The following ZDHHC21 variants were observed in gnomAD, a reference collection of about 807,000 sequenced individuals.
ZDHHC21 encodes palmitoyltransferase ZDHHC21.
In ZDHHC21, 15 loss-of-function variants were observed where a neutral mutation model predicts 34.6. That is an observed-to-expected ratio of 0.43 (90% CI 0.29 to 0.67). ZDHHC21 has a LOEUF of 0.67. Ranked by LOEUF, ZDHHC21 falls within the 30% of genes least tolerant of loss-of-function variation. The pLI, the probability that ZDHHC21 is intolerant of heterozygous loss-of-function variation, is 0.14. For synonymous variants in ZDHHC21, 142 were observed against 101.8 expected, an observed-to-expected ratio of 1.40 and a Z score of -2.38; for missense variants, 344 against 327.7, an observed-to-expected ratio of 1.05 and a Z score of -0.38.
the ZDHHC21 span, among the ~76,000 whole-genome samples, chr9:14,605,557 AGTT>A: frequency 6.7e-6 from 1 of 149,000 alleles, no homozygotes; most frequent in African/African-American, 2.5e-5. Flanking sequence ...TCTTCTATTA[AGTT>A]GTAGGAGCTC....
chr9:14,622,566 G>A, intron 8 of ZDHHC21: 1 of 985,262 alleles, frequency 1.0e-6, no homozygotes. Flanking sequence ...TCTTGGCATA[G>A]AGCGCTTGAT....
At chr9:14,619,820 T>C in intron 8 of ZDHHC21, 138 bp from the exon 9 acceptor site, 1 of 419,506 alleles carries the variant, frequency 2.4e-6, no homozygotes, top group Admixed American at 5.1e-5. Context: ...ATTATGAATT[T>C]TAAATTATCT....
the ZDHHC21 span, among the ~76,000 whole-genome samples, chr9:14,603,233 A>G: frequency 7.7e-4 from 118 of 152,280 alleles, no homozygotes; most frequent in African/African-American, 2.7e-3. Context: ...TGGAAGACAG[A>G]AAATAATGTA....
chr9:14,630,201 T>C (rs1323669373), intron 8 of ZDHHC21, among the ~76,000 whole-genome samples: 1 of 152,236 alleles, frequency 6.6e-6, no homozygotes, highest in Non-Finnish European at 1.5e-5. Flanking sequence ...TCTCAAACAC[T>C]GCCACTGCTT....
At chr9:14,634,318 A>G (rs890158609) in intron 8 of ZDHHC21, among the ~76,000 whole-genome samples, 12 of 152,174 alleles carry the variant, frequency 7.9e-5, no homozygotes, top group Admixed American at 6.5e-4. Flanking sequence ...CCCATTTCCC[A>G]GGACCCGAGA....
At chr9:14,632,064 A>AACACACACACAC (rs760320176) in intron 8 of ZDHHC21, among the ~76,000 whole-genome samples, 1 of 135,068 alleles carries the variant, frequency 7.4e-6, no homozygotes, top group East Asian at 2.0e-4. Flanking sequence ...AACACACACA[A>AACACACACACAC]ACACACACAC....
intron 7 of ZDHHC21, among the ~76,000 whole-genome samples, chr9:14,655,080 C>T (rs1831941330): frequency 6.6e-6 from 1 of 151,828 alleles, no homozygotes; most frequent in Admixed American, 6.6e-5. Flanking sequence ...AGAATAATTG[C>T]TAAAATACAA....
At chr9:14,681,529 T>C (rs1400673183) in intron 2 of ZDHHC21, among the ~76,000 whole-genome samples, 1 of 152,174 alleles carries the variant, frequency 6.6e-6, no homozygotes, top group East Asian at 1.9e-4. Context: ...GGAAAACCAC[T>C]GAGGGATTTT....
the ZDHHC21 span, among the ~76,000 whole-genome samples, chr9:14,603,660 TAAATA>T: frequency 2.0e-5 from 3 of 152,244 alleles, no homozygotes; most frequent in South Asian, 6.2e-4. Context: ...ATTTGCTAGA[TAAATA>T]AAATATGAAA....
In ZDHHC21 at chr9:14,616,942, G is replaced by T. The variant is rs966631400; in HGVS notation, c.*2024C>A. 3.3e-5 allele frequency: 5 copies of T among 151,696 alleles called. No homozygotes were observed. The highest frequency in any genetic ancestry group is 1.2e-4 in the African/African-American group (5 of 41,366). 9.4% of individuals were successfully genotyped at this position (151,696 alleles called of 1,614,324 possible). On this transcript the variant is annotated 3_prime_UTR_variant, in exon 10 of 10. Transcript: ENST00000380916. ...AATAAGAGCACAAATCATCAGAGTG[G>T]GAAAGAGACCCTGCCCAGTACCCAC...
chr9:14,683,149 T>C (rs1837677677), intron 2 of ZDHHC21, among the ~76,000 whole-genome samples: 1 of 151,934 alleles, frequency 6.6e-6, no homozygotes, highest in African/African-American at 2.4e-5. Context: ...AGCAAACACA[T>C]TCAAAAGCTA....
chr9:14,659,471 C>T (rs1016752377), intron 6 of ZDHHC21, among the ~76,000 whole-genome samples: 2 of 152,120 alleles, frequency 1.3e-5, no homozygotes, highest in Non-Finnish European at 1.5e-5. Context: ...CAACAGTGAA[C>T]CCTAACTAGG....
At chr9:14,659,755 C>T (rs1587234125) in intron 6 of ZDHHC21, among the ~76,000 whole-genome samples, 1 of 152,100 alleles carries the variant, frequency 6.6e-6, no homozygotes, top group South Asian at 2.1e-4. Context: ...CAAATACAGA[C>T]CTGAACTGAA....
At chr9:14,679,563 G>C (rs1837012013) in intron 3 of ZDHHC21, among the ~76,000 whole-genome samples, 1 of 152,092 alleles carries the variant, frequency 6.6e-6, no homozygotes, top group African/African-American at 2.4e-5. Flanking sequence ...GTAGTGAAAA[G>C]GAAGGCTTTC....
the ZDHHC21 span, among the ~76,000 whole-genome samples, chr9:14,600,773 A>G: frequency 6.6e-6 from 1 of 152,224 alleles, no homozygotes. Flanking sequence ...ACAGTAACCA[A>G]AACAGCATGG....
chr9:14,608,694 C>T (rs562015730), downstream of ZDHHC21, among the ~76,000 whole-genome samples: 1 of 151,586 alleles, frequency 6.6e-6, no homozygotes, highest in Non-Finnish European at 1.5e-5. Flanking sequence ...TATCCTCTAT[C>T]CTTCCTCAGT....
intron 5 of ZDHHC21, 88 bp from the exon 6 acceptor site, chr9:14,662,414 A>G: frequency 1.1e-6 from 1 of 919,358 alleles, no homozygotes; most frequent in Non-Finnish European, 1.6e-6. Flanking sequence ...TTTTATAGGA[A>G]GCCTTCAACA....
At chr9:14,598,086 C>T in the ZDHHC21 span, among the ~76,000 whole-genome samples, 1 of 152,144 alleles carries the variant, frequency 6.6e-6, no homozygotes. Flanking sequence ...GGCCCACCGA[C>T]CTCTCTGGCC....
rs776031283 is a variant in ZDHHC21, at chr9:14,690,340, C to T, written c.-179G>A. 2.2e-6 allele frequency: 1 copy of T among 456,402 alleles called. No individual in the cohort carries two copies. Among genetic ancestry groups the T allele is most frequent in the South Asian group, 1.6e-5 (1 of 64,458 alleles). 28.3% of individuals were successfully genotyped at this position (456,402 alleles called of 1,614,324 possible). Reference sequence around the variant, plus strand: ...CATAAGAAAAATCTCTCCTCACCTGCTTGCTGAAGCTGAAAATCCTGCAGT... The same window carrying T: ...CATAAGAAAAATCTCTCCTCACCTGTTTGCTGAAGCTGAAAATCCTGCAGT... On this transcript the variant is annotated 5_prime_UTR_variant, in exon 2 of 10. Coordinates refer to ENST00000380916, the MANE Select transcript of ZDHHC21 (RefSeq NM_178566.6).
Sources: gnomAD v4.1 joint callset for allele counts (sites outside exome capture counted in the v4.1 genomes callset) on GRCh38, gnomAD v4.1.1 for gene constraint, MANE v1.5 for transcripts, NCBI Gene and HGNC (gene_info 2026-07-23, HGNC 2026-07-21) for gene names.